Variants in TBX3 observed in about 807,000 individuals in gnomAD.
The protein encoded by TBX3 is T-box transcription factor 3, also known as T-box transcription factor TBX3.
A neutral mutation model predicts 47.8 loss-of-function variants in TBX3; 11 were observed. The observed-to-expected ratio is 0.23, with a 90% CI of 0.14 to 0.38. TBX3 has a LOEUF of 0.38. Ranked by LOEUF, TBX3 falls within the 10% of genes least tolerant of loss-of-function variation. The probability of loss-of-function intolerance (pLI) is 1.00; values close to 1 mark genes in which losing one functional copy is unlikely to be tolerated. For missense variants in TBX3, 927 were observed against 1,022.8 expected, an observed-to-expected ratio of 0.91 and a Z score of 1.28; for synonymous variants, 500 against 449.3, an observed-to-expected ratio of 1.11 and a Z score of -1.43.
chr12:114,679,366 C>T (rs1170052501), intron 3 of TBX3, 139 bp downstream of exon 3: 1 of 1,232,370 alleles, frequency 8.1e-7, no homozygotes, highest in African/African-American at 1.5e-5. Context: ...GTCCTTTCCC[C>T]CCAAATGCTC....
chr12:114,674,364 T>C lies in TBX3; in HGVS notation c.1511A>G (p.Gln504Arg), dbSNP rs1167341195. The C allele has an allele frequency of 1.3e-6, 2 of 1,554,960 alleles. No individual in the cohort carries two copies. Among genetic ancestry groups the C allele is most frequent in the African/African-American group, 1.4e-5 (1 of 73,254 alleles). The change falls in exon 6 of 7, where the codon CAG (glutamine) becomes CGG (arginine). Residue 504 changes from glutamine (Q) to arginine (R), a missense_variant. Transcript: ENST00000349155. ...NGHPLFLHPSQFAMGGAFSSM... is the reference protein window; with the variant it reads ...NGHPLFLHPSRFAMGGAFSSM... The stretch of plus-strand genomic sequence containing the variant: ...GGAGAAGGCGCCCCCCATGGCAAAC[T>C]GGCTGGGGTGCAGGAAGAGCGGGTG...
chr12:114,682,219 A>G (rs1868962104), intron 1 of TBX3, among the ~76,000 whole-genome samples: 1 of 152,142 alleles, frequency 6.6e-6, no homozygotes, highest in Admixed American at 6.5e-5. Flanking sequence ...AATTATGCAA[A>G]ATTGCCTGCT....
In TBX3 at chr12:114,672,100, G is replaced by T. The variant is rs1445671634; in HGVS notation, c.1913C>A (p.Thr638Asn). ...PVPDGSSLLT[T>N]ALPSMAAAAG... ...GGCCGCCGCCATGGAGGGCAGGGCG[G>T]TGGTGAGCAGACTGCTGCCGTCCGG... is the stretch of plus-strand genomic sequence containing the variant. Residue 638 changes from threonine (T) to asparagine (N), a missense_variant, in exon 7 of 7, where the codon ACC (threonine) becomes AAC (asparagine). This residue lies in a region of TBX3 where 623 missense variants were observed against 569.0 expected (regional missense o/e 1.09). Transcript: ENST00000349155. The T allele has an allele frequency of 1.3e-6, 2 of 1,569,068 alleles. No homozygotes were observed. Among genetic ancestry groups the T allele is most frequent in the East Asian group, 2.4e-5 (1 of 42,214 alleles).
rs1012059056 is a variant in TBX3, at chr12:114,679,568, T to C, written c.741A>G (p.Thr247=). The change falls in exon 3 of 7, where the codon ACA becomes ACG. Residue 247 remains threonine, a synonymous_variant. Transcript: ENST00000349155. ...TTTCGGGGAACAAGTATGTCCGAAA[T>C]GTACTATAAGGGAGTTTCAAGATGT... The part of the protein sequence containing the change: ...ANDILKLPYS[T]FRTYLFPETE... 6 of 1,614,062 alleles carry C rather than the reference T, an allele frequency of 3.7e-6. No individual in the cohort carries two copies. Among genetic ancestry groups the C allele is most frequent in the African/African-American group, 1.3e-5 (1 of 74,922 alleles).
At chr12:114,672,376 C>T (rs1470282248) in intron 6 of TBX3, 74 bp from the exon 7 acceptor site, 1 of 1,292,462 alleles carries the variant, frequency 7.7e-7, no homozygotes, top group Admixed American at 2.9e-5. Context: ...CCTCTCTTCT[C>T]CCCCTCCAAC....
intron 2 of TBX3, 174 bp downstream of exon 2, chr12:114,680,705 C>T (rs1291173870): frequency 7.5e-6 from 7 of 927,938 alleles, no homozygotes; most frequent in Middle Eastern, 2.1e-4. Context: ...GAACGCCAGG[C>T]CTTCCATTAT....
At chr12:114,682,629 G>A (rs1414729311) in intron 1 of TBX3, among the ~76,000 whole-genome samples, 183 bp downstream of exon 1, 1 of 152,040 alleles carries the variant, frequency 6.6e-6, no homozygotes, top group African/African-American at 2.4e-5. Context: ...CCATGCAGAT[G>A]CCCAGGTAAG....
chr12:114,678,379 T>C (rs1301342142), intron 3 of TBX3, among the ~76,000 whole-genome samples: 1 of 152,208 alleles, frequency 6.6e-6, no homozygotes, highest in African/African-American at 2.4e-5. Flanking sequence ...AAAAATGCTA[T>C]AGTGTGTAAT....
chr12:114,682,568 A>G, intron 1 of TBX3, among the ~76,000 whole-genome samples: 1 of 152,028 alleles, frequency 6.6e-6, no homozygotes, highest in East Asian at 1.9e-4. Context: ...GCTCCACTGA[A>G]AAATTCTGTC....
Position 114,674,795 on chromosome 12 carries a change from C to G in TBX3, c.1080G>C (p.Glu360Asp), listed in dbSNP as rs376189812. 105 of 1,581,980 alleles carry G rather than the reference C, an allele frequency of 6.6e-5. No individual in the cohort carries two copies. The Middle Eastern group carries it at 1.3e-3, about 20-fold the overall frequency. Reference protein sequence around the residue: ...PSEGESDAEAESKEEHGPEAC... With the variant: ...PSEGESDAEADSKEEHGPEAC... ...CCTCGGGGCCATGCTCCTCTTTGCT[C>G]TCGGCCTCGGCGTCGCTCTCACCCT... The change falls in exon 6 of 7, where the codon GAG becomes GAC. Residue 360 changes from glutamate to aspartate, a missense_variant. Coordinates refer to ENST00000349155, the MANE Select transcript of TBX3 (RefSeq NM_005996.4).
At position 114,674,722 on chromosome 12, in the gene TBX3, G is replaced by A. The variant is rs370551433; in HGVS notation, c.1153C>T (p.Arg385Cys). 3.2e-5 allele frequency: 51 copies of A among 1,601,052 alleles called. No individual in the cohort carries two copies. In the African/African-American group the frequency reaches 3.2e-4, roughly 10 times the overall value. Residue 385 changes from arginine to cysteine, a missense_variant, in exon 6 of 7, where the codon CGT becomes TGT. Physicochemically the swap from Arg to Cys is radical, Grantham distance 180. This residue lies in a region of TBX3 where 623 missense variants were observed against 569.0 expected (regional missense o/e 1.09). Transcript: ENST00000349155. ...ISTTTSEEPC[R>C]DKGSPAVKAH... ...TTGACCGCGGGGCTGCCCTTGTCAC[G>A]GCAGGGCTCCTCCGACGTGGTGGTG...
chr12:114,684,128 G>A lies in TBX3; in HGVS notation c.-928C>T, dbSNP rs1314317565. On this transcript the variant is annotated 5_prime_UTR_variant, in exon 1 of 7. Coordinates refer to ENST00000349155, the MANE Select transcript of TBX3 (RefSeq NM_005996.4). The stretch of plus-strand genomic sequence containing the variant: ...GGAGAGGGAGGGAGCGAGAGAAAGC[G>A]AGAGCTCCTCGCCACCCTCCGCCGC... 4.3e-5 allele frequency: 10 copies of A among 231,992 alleles called. No individual in the cohort carries two copies. Among genetic ancestry groups the A allele is most frequent in the Admixed American group, 1.1e-4 (2 of 17,734 alleles). The allele number at this position is 231,992 out of a possible 1,614,324, so 14.4% of individuals were successfully genotyped here.
At chr12:114,672,660 ACAGTGTGTGCAG>A (rs985900634) in intron 6 of TBX3, among the ~76,000 whole-genome samples, 1 of 152,072 alleles carries the variant, frequency 6.6e-6, no homozygotes, top group African/African-American at 2.4e-5. Context: ...TATGCTGCAC[ACAGTGTGTGCAG>A]CCCCCAGGAA....
In TBX3 at chr12:114,672,226, G is replaced by A; in HGVS notation, c.1787C>T (p.Ser596Phe). ...TYMAAAAAAS[S>F]AAASSSVHRH... ...GTGCACCGAGCTGGAGGCTGCCGCA[G>A]AGGAGGCGGCCGCCGCTGCGGCCAT... The change falls in exon 7 of 7, where the codon TCT becomes TTT. Residue 596 changes from serine to phenylalanine, a missense_variant. Coordinates refer to ENST00000349155, the MANE Select transcript of TBX3 (RefSeq NM_005996.4). 1 of 1,574,176 alleles carries A rather than the reference G, an allele frequency of 6.4e-7. No individual in the cohort carries two copies. The highest frequency in any genetic ancestry group is 8.6e-7 in the Non-Finnish European group (1 of 1,160,912).
At chr12:114,678,661 C>G (rs1031801044) in intron 3 of TBX3, among the ~76,000 whole-genome samples, 5 of 152,214 alleles carry the variant, frequency 3.3e-5, no homozygotes, top group Middle Eastern at 3.2e-3. Context: ...AAAATGGACT[C>G]TCTTTGAAGT....
intron 5 of TBX3, among the ~76,000 whole-genome samples, chr12:114,675,717 T>C (rs1868681381): frequency 6.6e-6 from 1 of 151,732 alleles, no homozygotes; most frequent in African/African-American, 2.4e-5. Flanking sequence ...CACAGGTAAC[T>C]GAGGGGGGAT....
At chr12:114,678,634 G>A (rs1458197955) in intron 3 of TBX3, among the ~76,000 whole-genome samples, 1 of 152,212 alleles carries the variant, frequency 6.6e-6, no homozygotes, top group African/African-American at 2.4e-5. Flanking sequence ...AGTTCAAAAT[G>A]AAGTGTGTTG....
Position 114,676,880 on chromosome 12 carries a change from C to T in TBX3, c.882-410G>A, listed in dbSNP as rs573427112. Among the ~76,000 whole-genome samples, 6 of 152,264 alleles carry T rather than the reference C, an allele frequency of 3.9e-5. No homozygotes were observed. The South Asian group carries it at 1.2e-3, about 32-fold the overall frequency. ...CCTGCAAACACAACGCTGTCTGTCCCCAGCATACCCAAATTTTGGATGGTG... is the reference window on the plus strand; with the variant it reads ...CCTGCAAACACAACGCTGTCTGTCCTCAGCATACCCAAATTTTGGATGGTG... On this transcript the variant is annotated intron_variant, in intron 4 of 6. Coordinates refer to ENST00000349155, the MANE Select transcript of TBX3 (RefSeq NM_005996.4).
intron 4 of TBX3, 29 bp downstream of exon 4, chr12:114,677,551 C>G (rs763840075): frequency 1.2e-5 from 19 of 1,609,366 alleles, no homozygotes; most frequent in Non-Finnish European, 1.6e-5. Context: ...TTTTTCTAAA[C>G]TATCTAATAA....
Sources: gnomAD v4.1 joint callset for allele counts (sites outside exome capture counted in the v4.1 genomes callset) on GRCh38, gnomAD v4.1.1 for gene constraint, gnomAD v4.1.1 regional missense constraint, MANE v1.5 for transcripts, NCBI Gene and HGNC (gene_info 2026-07-23, HGNC 2026-07-21) for gene names.